Variants in FOXN3 observed in about 807,000 individuals in gnomAD.
The protein encoded by FOXN3 is forkhead box protein N3.
A neutral mutation model predicts 38.4 loss-of-function variants in FOXN3; 7 were observed. The observed-to-expected ratio is 0.18, with a 90% CI of 0.10 to 0.34. The LOEUF (loss-of-function observed/expected upper bound fraction) is 0.34, where lower values mean the gene tolerates loss of function less well. FOXN3 is among the 10% of genes least tolerant of loss of function. FOXN3 has a pLI of 1.00. For missense variants in FOXN3, 456 were observed against 613.4 expected (o/e 0.74, Z 2.71); for synonymous variants, 230 against 242.2 (o/e 0.95, Z 0.47).
intron 1 of FOXN3, among the ~76,000 whole-genome samples, chr14:89,580,319 A>G (rs528909772): frequency 6.6e-6 from 1 of 152,160 alleles, no homozygotes; most frequent in South Asian, 2.1e-4. Context: ...TGTTCTGTAA[A>G]CTCTCAGAGG....
Position 89,467,828 on chromosome 14 carries a change from T to TG in FOXN3, c.-14-55339dup, listed in dbSNP as rs1555355568. 1.7e-3 allele frequency among the ~76,000 whole-genome samples: 217 copies of TG among 125,268 alleles called. 4 individuals are homozygous for TG. The highest frequency in any genetic ancestry group is 8.0e-3 in the Middle Eastern group (2 of 250). 82.2% of individuals were successfully genotyped at this position (125,268 alleles called of 152,430 possible). On this transcript the variant is annotated intron_variant, in intron 1 of 6. Transcript: ENST00000345097. ...TGTTTTTTTTTTTTTTTTTTTTTTTTGGGTAGAGATTAGGTCTCACTATGT... is the reference window on the plus strand; with the variant it reads ...TGTTTTTTTTTTTTTTTTTTTTTTTTGGGGTAGAGATTAGGTCTCACTATGT...
chr14:89,260,231 C>A (rs1349976566), intron 4 of FOXN3, among the ~76,000 whole-genome samples: 1 of 152,246 alleles, frequency 6.6e-6, no homozygotes, highest in Admixed American at 6.5e-5. Context: ...GAACTAACTC[C>A]CCAAATACTA....
At chr14:89,609,674 T>A (rs1896351509) in intron 1 of FOXN3, among the ~76,000 whole-genome samples, 1 of 151,886 alleles carries the variant, frequency 6.6e-6, no homozygotes, top group Non-Finnish European at 1.5e-5. Context: ...AGCTGTTAAG[T>A]GGCAGGGAGG....
Position 89,296,680 on chromosome 14 carries a change from G to A in FOXN3, c.681-15666C>T, listed in dbSNP as rs972084983. On this transcript the variant is annotated intron_variant, in intron 3 of 5. Transcript: ENST00000557258. ...CAACCGAGTCTCGCTCTGTCGTCTA[G>A]GCTGGAGCGCAATGGCACGATTTCA... is the stretch of plus-strand genomic sequence containing the variant. Among the ~76,000 whole-genome samples the A allele has an allele frequency of 2.6e-5, 4 of 152,226 alleles. No homozygotes were observed. The East Asian group carries it at 7.7e-4, about 29-fold the overall frequency.
rs1250064934 is a variant in FOXN3 at position 89,184,936 on chromosome 14, T to G, written c.746-4130A>C. ...AGCCCATTATGCTTTTTGTAGTTAT[T>G]CCTAACTGCATTTACCTATTAAAAC... On this transcript the variant is annotated intron_variant, in intron 4 of 5. Transcript: ENST00000557258. 4.6e-5 allele frequency among the ~76,000 whole-genome samples: 7 copies of G among 152,354 alleles called. No homozygotes were observed. The South Asian group carries it at 1.0e-3, about 23-fold the overall frequency.
intron 4 of FOXN3, among the ~76,000 whole-genome samples, chr14:89,231,924 T>C (rs1045902112): frequency 5.3e-5 from 8 of 152,066 alleles, no homozygotes; most frequent in African/African-American, 1.9e-4. Context: ...GCCACTGAGA[T>C]GACATTTGCA....
intron 3 of FOXN3, among the ~76,000 whole-genome samples, chr14:89,284,115 C>T (rs1188858703): frequency 1.3e-5 from 2 of 152,194 alleles, no homozygotes; most frequent in African/African-American, 2.4e-5. Context: ...GCGATCCACT[C>T]GCCTTGGCCT....
chr14:89,380,526 A>G (rs1890613608), intron 2 of FOXN3, among the ~76,000 whole-genome samples: 1 of 151,934 alleles, frequency 6.6e-6, no homozygotes, highest in African/African-American at 2.4e-5. Context: ...ACTCAGAAAG[A>G]CCTCCATGTT....
chr14:89,466,112 G>A (rs988644187), intron 1 of FOXN3, among the ~76,000 whole-genome samples: 6 of 152,218 alleles, frequency 3.9e-5, no homozygotes, highest in Admixed American at 6.5e-5. Flanking sequence ...GCCCCTCCAG[G>A]AACTTCCTGG....
At chr14:89,593,159 AAGC>A (rs1295425252) in intron 1 of FOXN3, among the ~76,000 whole-genome samples, 2 of 141,870 alleles carry the variant, frequency 1.4e-5, no homozygotes, top group Admixed American at 7.0e-5. Flanking sequence ...GGAGGAAAGA[AAGC>A]AGAGAAGGAA....
chr14:89,413,164 C>T (rs1192801573), intron 1 of FOXN3, among the ~76,000 whole-genome samples: 2 of 152,170 alleles, frequency 1.3e-5, no homozygotes, highest in East Asian at 1.9e-4. Context: ...ATGACCCCTA[C>T]AGACACAAAG....
intron 1 of FOXN3, among the ~76,000 whole-genome samples, chr14:89,453,559 CAA>C (rs35296047): frequency 2.7e-5 from 2 of 72,742 alleles, no homozygotes; most frequent in African/African-American, 5.5e-5. Context: ...GACTCCGTCT[CAA>C]AAAAAAAAAA....
chr14:89,169,547 C>T (rs1450795880), intron 5 of FOXN3, among the ~76,000 whole-genome samples: 1 of 151,896 alleles, frequency 6.6e-6, no homozygotes, highest in Non-Finnish European at 1.5e-5. Flanking sequence ...CACACACACA[C>T]ACAAAACACA....
chr14:89,596,291 C>T (rs1317197240), intron 1 of FOXN3, among the ~76,000 whole-genome samples: 5 of 152,128 alleles, frequency 3.3e-5, no homozygotes, highest in African/African-American at 1.2e-4. Flanking sequence ...GCACGTGCCA[C>T]CAAGCCTAGC....
intron 1 of FOXN3, among the ~76,000 whole-genome samples, chr14:89,463,452 A>C (rs964003983): frequency 3.3e-5 from 5 of 152,170 alleles, no homozygotes; most frequent in Non-Finnish European, 5.9e-5. Flanking sequence ...CCACAGCAAT[A>C]AGTTTAAAAG....
chr14:89,551,455 A>G (rs1313859480), intron 1 of FOXN3, among the ~76,000 whole-genome samples: 1 of 152,008 alleles, frequency 6.6e-6, no homozygotes, highest in Non-Finnish European at 1.5e-5. Flanking sequence ...CTTCCTCCCA[A>G]CACCACTAGA....
At chr14:89,262,480 G>A (rs3759711) in intron 4 of FOXN3, among the ~76,000 whole-genome samples, 41,641 of 152,064 alleles carry the variant, frequency 0.27, 6,774 homozygotes, top group Middle Eastern at 0.4. Flanking sequence ...TTAGACATTG[G>A]AGAGGGGAAA....
At chr14:89,225,961 T>C (rs1207845844) in intron 4 of FOXN3, among the ~76,000 whole-genome samples, 1 of 152,204 alleles carries the variant, frequency 6.6e-6, no homozygotes, top group African/African-American at 2.4e-5. Flanking sequence ...GGTTGTCAGA[T>C]AATTGGCCTC....
At chr14:89,173,997 A>C (rs1450668422) in intron 5 of FOXN3, among the ~76,000 whole-genome samples, 2 of 152,122 alleles carry the variant, frequency 1.3e-5, no homozygotes, top group African/African-American at 4.8e-5. Context: ...TGTCTCAAAT[A>C]AATAAATAAA....
Sources: allele counts gnomAD v4.1 joint callset (sites outside exome capture counted in the v4.1 genomes callset), GRCh38; gene constraint gnomAD v4.1.1; transcripts MANE v1.5; gene names NCBI Gene and HGNC (gene_info 2026-07-23, HGNC 2026-07-21).